The following CBFA2T2 variants were observed in gnomAD, a reference collection of about 807,000 sequenced individuals.
CBFA2T2 encodes CBFA2/RUNX1 partner transcriptional co-repressor 2, also known as protein CBFA2T2.
A neutral mutation model predicts 62.2 loss-of-function variants in CBFA2T2; 11 were observed. The observed-to-expected ratio is 0.18, with a 90% CI of 0.11 to 0.29. The LOEUF (loss-of-function observed/expected upper bound fraction) is 0.29, where lower values mean the gene tolerates loss of function less well. Ranked by LOEUF, CBFA2T2 falls within the 10% of genes least tolerant of loss-of-function variation. The probability of loss-of-function intolerance (pLI) is 1.00; values close to 1 mark genes in which losing one functional copy is unlikely to be tolerated. For synonymous variants in CBFA2T2, 295 were observed against 287.5 expected (o/e 1.03, Z -0.27); for missense variants, 592 against 774.1 (o/e 0.76, Z 2.79).
intron 1 of CBFA2T2, among the ~76,000 whole-genome samples, chr20:33,581,045 C>A (rs149931681): frequency 1.2e-3 from 179 of 149,188 alleles, no homozygotes; most frequent in African/African-American, 4.2e-3. Flanking sequence ...GTCCATCCAT[C>A]CCGTCCCTCC....
chr20:33,625,576 C>G (rs1326400000), intron 6 of CBFA2T2, among the ~76,000 whole-genome samples: 1 of 152,210 alleles, frequency 6.6e-6, no homozygotes, highest in East Asian at 1.9e-4. Context: ...TTTGAGAACT[C>G]TGTTTGAAGA....
intron 1 of CBFA2T2, among the ~76,000 whole-genome samples, chr20:33,524,502 G>A (rs2146864344): frequency 6.6e-6 from 1 of 152,194 alleles, no homozygotes; most frequent in Admixed American, 6.5e-5. Flanking sequence ...CCGCTTTGTA[G>A]TTGTTTTTCT....
At chr20:33,630,566 C>T (rs2016411516) in intron 8 of CBFA2T2, among the ~76,000 whole-genome samples, 1 of 152,178 alleles carries the variant, frequency 6.6e-6, no homozygotes, top group African/African-American at 2.4e-5. Context: ...GGTTGTTTCC[C>T]CTTGCCTTTC....
chr20:33,590,682 T>C (rs1429206334), intron 1 of CBFA2T2, among the ~76,000 whole-genome samples: 1 of 152,156 alleles, frequency 6.6e-6, no homozygotes, highest in Non-Finnish European at 1.5e-5. Flanking sequence ...TCATGGATAT[T>C]GTCCTGTGGC....
At chr20:33,600,190 T>TG (rs2015068704) in intron 1 of CBFA2T2, 2 of 134,092 alleles carry the variant, frequency 1.5e-5, no homozygotes, top group South Asian at 2.7e-4. Context: ...AAGTTTTTTT[T>TG]TTTTTTTTTT....
Position 33,637,034 on chromosome 20 carries a change from C to T in CBFA2T2, c.1297+326C>T, listed in dbSNP as rs186849741. Among the ~76,000 whole-genome samples, 4 of 152,330 alleles carry T rather than the reference C, an allele frequency of 2.6e-5. No homozygotes were observed. The East Asian group carries it at 7.7e-4, about 29-fold the overall frequency. Reference sequence around the variant, plus strand: ...GAGTTCATTTTGCCTGATCTCTTCACTGGTGGCTACAGTATACTGTGTTCA... The same window carrying T: ...GAGTTCATTTTGCCTGATCTCTTCATTGGTGGCTACAGTATACTGTGTTCA... On this transcript the variant is annotated intron_variant, in intron 9 of 10. Transcript: ENST00000342704.
At chr20:33,561,634 A>T (rs1468061010) in intron 1 of CBFA2T2, among the ~76,000 whole-genome samples, 1 of 152,018 alleles carries the variant, frequency 6.6e-6, no homozygotes, top group Non-Finnish European at 1.5e-5. Context: ...ATCTCTCTGG[A>T]TTTTCATTGT....
rs1209439014 is a variant in CBFA2T2, at chr20:33,624,790, A to G, written c.719A>G (p.Asp240Gly). The change falls in exon 6 of 11, where the codon GAC (aspartate) becomes GGC (glycine). Residue 240 changes from aspartate (D) to glycine (G), a missense_variant. Physicochemically the swap from Asp to Gly is moderately conservative, Grantham distance 94 (BLOSUM62 -1). Around this residue, in one of 3 missense-constraint regions of CBFA2T2, gnomAD observed 449 missense variants for 551.2 expected, o/e 0.81. Transcript: ENST00000342704. ...AGAGAAGAGAATAGTTTTGATAGAG[A>G]CACAATTGCTCCTGAGCCTCCTGCC... Reference protein sequence around the residue: ...ERREENSFDRDTIAPEPPAKR... With the variant: ...ERREENSFDRGTIAPEPPAKR... 1 of 1,614,182 alleles carries G rather than the reference A, an allele frequency of 6.2e-7. No individual in the cohort carries two copies.
At chr20:33,574,142 C>G in intron 1 of CBFA2T2, 2 of 1,593,114 alleles carry the variant, frequency 1.3e-6, no homozygotes, top group South Asian at 1.1e-5. Context: ...GGAGCACAAT[C>G]CTGACTGTAC....
chr20:33,543,694 G>T (rs2012464587), intron 1 of CBFA2T2, among the ~76,000 whole-genome samples: 1 of 152,174 alleles, frequency 6.6e-6, no homozygotes, highest in African/African-American at 2.4e-5. Flanking sequence ...AAGTGAGTGT[G>T]TGCTGAGGTG....
chr20:33,552,481 T>C (rs209677), intron 1 of CBFA2T2, among the ~76,000 whole-genome samples: 63,594 of 151,960 alleles, frequency 0.42, 15,253 homozygotes, highest in African/African-American at 0.66. Context: ...TAAGGGGAAA[T>C]CAGTGTCTCT....
chr20:33,562,469 C>T, intron 1 of CBFA2T2: 1 of 985,832 alleles, frequency 1.0e-6, no homozygotes, highest in Non-Finnish European at 1.2e-6. Context: ...CTGTGTTTCC[C>T]TGGAATGGGA....
Position 33,611,483 on chromosome 20 carries a change from TA to T in CBFA2T2, c.420+152del, listed in dbSNP as rs1465668663. The T allele has an allele frequency of 1.6e-4, 142 of 906,160 alleles. 2 individuals are homozygous for T. In the South Asian group the frequency reaches 2.4e-3, roughly 15 times the overall value. 56.1% of individuals were successfully genotyped at this position (906,160 alleles called of 1,614,324 possible). On this transcript the variant is annotated intron_variant, in intron 3 of 10. Coordinates refer to ENST00000342704, the MANE Select transcript of CBFA2T2 (RefSeq NM_001032999.3). Reference sequence around the variant, plus strand: ...TAGACTAGTTATTGAATAACTTGTGTAAAACTGTTTAAATGTAGGTTTCTTT... The same window carrying T: ...TAGACTAGTTATTGAATAACTTGTGTAAACTGTTTAAATGTAGGTTTCTTT...
intron 9 of CBFA2T2, among the ~76,000 whole-genome samples, chr20:33,638,195 G>A (rs1356062910): frequency 1.3e-5 from 2 of 151,504 alleles, no homozygotes; most frequent in Non-Finnish European, 2.9e-5. Flanking sequence ...GGCTGGTTTC[G>A]AACTCTTGAC....
At chr20:33,626,638 C>G (rs2016240927) in intron 6 of CBFA2T2, among the ~76,000 whole-genome samples, 1 of 152,212 alleles carries the variant, frequency 6.6e-6, no homozygotes, top group African/African-American at 2.4e-5. Context: ...AACCAAAGGG[C>G]TATCAGCTTC....
chr20:33,634,340 TC>T (rs1316715640), intron 8 of CBFA2T2, among the ~76,000 whole-genome samples: 1 of 152,222 alleles, frequency 6.6e-6, no homozygotes, highest in East Asian at 1.9e-4. Context: ...AAGCTCACAT[TC>T]CGGGCCCTTC....
Position 33,607,099 on chromosome 20 carries a change from T to C in CBFA2T2, c.178T>C (p.Leu60=), listed in dbSNP as rs1212129884. ...PRPVSFTPTA[L]SNGINHSPPT... is the part of the protein sequence containing the mutation. ...GCCAGTGTCCTTCACTCCTACTGCA[T>C]GTGAGACCTCTTAGTTACTTATGTT... The change falls in exon 2 of 11, where the codon TTA becomes CTA. Residue 60 remains leucine, a splice_region_variant and synonymous_variant. Transcript: ENST00000342704. The C allele has an allele frequency of 1.2e-6, 2 of 1,612,996 alleles. No individual in the cohort carries two copies. Among genetic ancestry groups the C allele is most frequent in the South Asian group, 1.1e-5 (1 of 90,874 alleles).
chr20:33,600,226 C>CT (rs1449415196), intron 1 of CBFA2T2: 4 of 60,652 alleles, frequency 6.6e-5, no homozygotes, highest in African/African-American at 2.7e-4. Flanking sequence ...TGGAGTCTTG[C>CT]TGTTTTCCAG....
At chr20:33,618,173 CTTTTT>C (rs58066954) in intron 3 of CBFA2T2, among the ~76,000 whole-genome samples, 5 of 138,338 alleles carry the variant, frequency 3.6e-5, no homozygotes, top group African/African-American at 1.3e-4. Context: ...ATATATTTTC[CTTTTT>C]TTTTTTTTTT....
Sources: gnomAD v4.1 joint callset for allele counts (sites outside exome capture counted in the v4.1 genomes callset) on GRCh38, gnomAD v4.1.1 for gene constraint, gnomAD v4.1.1 regional missense constraint, MANE v1.5 for transcripts, NCBI Gene and HGNC (gene_info 2026-07-23, HGNC 2026-07-21) for gene names.